ALPL: variants seen among roughly 807,000 people sequenced by gnomAD.
ALPL encodes alkaline phosphatase, biomineralization associated, also known as alkaline phosphatase, tissue-nonspecific isozyme.
In ALPL, 42 loss-of-function variants were observed where a neutral mutation model predicts 51.3. The observed-to-expected ratio is 0.82, with a 90% CI of 0.64 to 1.06. The LOEUF (loss-of-function observed/expected upper bound fraction) is 1.06. Among genes scored for constraint, ALPL ranks in the 50% least tolerant of loss-of-function variants. The pLI is 0.00. For synonymous variants in ALPL, 279 were observed against 296.4 expected (o/e 0.94, Z 0.60); for missense variants, 589 against 709.4 (o/e 0.83, Z 1.93).
At chr1:21,570,007 C>G (rs1030619615) in intron 7 of ALPL, among the ~76,000 whole-genome samples, 5 of 152,174 alleles carry the variant, frequency 3.3e-5, no homozygotes, top group Non-Finnish European at 5.9e-5. Flanking sequence ...CTGTTCAATT[C>G]CCACTTGTCC....
At chr1:21,553,849 C>T in intron 1 of ALPL, 129 bp from the exon 2 acceptor site, 1 of 564,482 alleles carries the variant, frequency 1.8e-6, no homozygotes. Context: ...AATGTTGAGC[C>T]CCATGCCTGG....
rs184095519 is a variant in ALPL, at chr1:21,563,210, C to G, written c.398C>G (p.Ala133Gly). The change falls in exon 5 of 12, where the codon GCC (alanine) becomes GGC (glycine). Residue 133 changes from alanine to glycine, a missense_variant. Coordinates refer to ENST00000374840, the MANE Select transcript of ALPL (RefSeq NM_000478.6). ...GAGGGCACCGTGGGGGTAAGCGCAG[C>G]CACTGAGCGTTCCCGGTGCAACACC... Reference protein sequence around the residue: ...ANEGTVGVSAATERSRCNTTQ... With the variant: ...ANEGTVGVSAGTERSRCNTTQ... 47 of 1,613,968 alleles carry G rather than the reference C, an allele frequency of 2.9e-5. No individual in the cohort carries two copies. The East Asian group carries it at 1.0e-3, about 34-fold the overall frequency.
At position 21,563,209 on chromosome 1, in the gene ALPL, G is replaced by A. The variant is rs1644510366; in HGVS notation, c.397G>A (p.Ala133Thr). The change falls in exon 5 of 12, where the codon GCC (alanine) becomes ACC (threonine). Residue 133 changes from alanine (A) to threonine (T), a missense_variant. Transcript: ENST00000374840. ...ANEGTVGVSA[A>T]TERSRCNTTQ... ...TGAGGGCACCGTGGGGGTAAGCGCA[G>A]CCACTGAGCGTTCCCGGTGCAACAC... The A allele has an allele frequency of 1.2e-6, 2 of 1,613,964 alleles. No homozygotes were observed. The highest frequency in any genetic ancestry group is 2.2e-5 in the South Asian group (2 of 91,080).
At chr1:21,511,666 A>C (rs975594219) in intron 1 of ALPL, among the ~76,000 whole-genome samples, 8 of 152,112 alleles carry the variant, frequency 5.3e-5, no homozygotes, top group Non-Finnish European at 8.8e-5. Flanking sequence ...TCCTAAACAC[A>C]GCCTGGGCTG....
intron 2 of ALPL, 111 bp from the exon 3 acceptor site, chr1:21,560,515 C>A: frequency 6.9e-7 from 1 of 1,440,510 alleles, no homozygotes. Context: ...ATTGCACCCA[C>A]CTCCAAGTTC....
chr1:21,519,529 G>A (rs1166805968), intron 1 of ALPL, among the ~76,000 whole-genome samples: 2 of 152,250 alleles, frequency 1.3e-5, no homozygotes, highest in African/African-American at 4.8e-5. Context: ...GGGCACAAGG[G>A]CTCACGCATG....
chr1:21,528,437 T>G (rs955116804), intron 1 of ALPL, among the ~76,000 whole-genome samples: 4 of 147,276 alleles, frequency 2.7e-5, no homozygotes, highest in African/African-American at 1.0e-4. Flanking sequence ...AACCTCTGCC[T>G]CCTGGATTCA....
At chr1:21,518,454 C>T (rs572470911) in intron 1 of ALPL, among the ~76,000 whole-genome samples, 5 of 151,990 alleles carry the variant, frequency 3.3e-5, no homozygotes, top group South Asian at 2.1e-4. Flanking sequence ...TGGTAAGTGT[C>T]GGAGCTACGA....
intron 1 of ALPL, among the ~76,000 whole-genome samples, chr1:21,537,884 G>A (rs957808280): frequency 2.0e-5 from 3 of 152,192 alleles, no homozygotes; most frequent in African/African-American, 7.2e-5. Flanking sequence ...AGCCCCCGGC[G>A]CGTAGTAGTT....
intron 2 of ALPL, among the ~76,000 whole-genome samples, chr1:21,560,339 G>A (rs1282747194): frequency 6.6e-6 from 1 of 152,252 alleles, no homozygotes; most frequent in African/African-American, 2.4e-5. Flanking sequence ...AGCCCTGCCA[G>A]TGTCTGCCTG....
At chr1:21,518,119 C>G (rs1038606877) in intron 1 of ALPL, among the ~76,000 whole-genome samples, 1 of 151,894 alleles carries the variant, frequency 6.6e-6, no homozygotes, top group Non-Finnish European at 1.5e-5. Context: ...GGGTAGGAAC[C>G]TTTTATGAGG....
At chr1:21,527,549 CTT>C (rs560294555) in intron 1 of ALPL, among the ~76,000 whole-genome samples, 26 of 138,188 alleles carry the variant, frequency 1.9e-4, no homozygotes, top group Admixed American at 2.2e-4. Context: ...TAGCCTTTAA[CTT>C]TTTTTTTTTT....
At chr1:21,513,247 A>T (rs559220668) in intron 1 of ALPL, among the ~76,000 whole-genome samples, 1 of 152,254 alleles carries the variant, frequency 6.6e-6, no homozygotes, top group East Asian at 1.9e-4. Context: ...GCCCAGGGTC[A>T]CACAATTGCT....
Position 21,526,603 on chromosome 1 carries a change from T to C in ALPL, c.-105+17086T>C, listed in dbSNP as rs145417052. ...CATTTCTAAGTGTAGGGGTAATGAT[T>C]TATACTTGTAAACGCTTAGCTTCTC... On this transcript the variant is annotated intron_variant, in intron 1 of 11. Coordinates refer to ENST00000374840, the MANE Select transcript of ALPL (RefSeq NM_000478.6). Among the ~76,000 whole-genome samples, 526 of 152,314 alleles carry C rather than the reference T, an allele frequency of 3.5e-3. 3 individuals carry two copies. The highest frequency in any genetic ancestry group is 6.5e-3 in the Non-Finnish European group (441 of 68,022).
intron 1 of ALPL, among the ~76,000 whole-genome samples, chr1:21,521,538 G>C (rs961772656): frequency 6.6e-6 from 1 of 152,330 alleles, no homozygotes; most frequent in Admixed American, 6.5e-5. Flanking sequence ...GCCTGGCTTT[G>C]TTACCATGGG....
chr1:21,527,331 CCTT>C (rs1471955034), intron 1 of ALPL, among the ~76,000 whole-genome samples: 10 of 152,210 alleles, frequency 6.6e-5, no homozygotes, highest in Non-Finnish European at 1.5e-4. Flanking sequence ...CACGCCCGGC[CCTT>C]CTTGTTCTTT....
intron 1 of ALPL, among the ~76,000 whole-genome samples, chr1:21,510,997 G>A (rs1183772408): frequency 6.6e-6 from 1 of 152,224 alleles, no homozygotes; most frequent in Non-Finnish European, 1.5e-5. Context: ...TTGTAAAAAG[G>A]GGTGTATTCC....
At chr1:21,528,179 C>G (rs963999019) in intron 1 of ALPL, among the ~76,000 whole-genome samples, 1 of 151,484 alleles carries the variant, frequency 6.6e-6, no homozygotes, top group South Asian at 2.1e-4. Context: ...AACACCACAC[C>G]CAGGTAATTT....
chr1:21,547,359 G>A (rs1024111222), intron 1 of ALPL, among the ~76,000 whole-genome samples: 4 of 152,152 alleles, frequency 2.6e-5, no homozygotes, highest in African/African-American at 9.7e-5. Context: ...GACCGAGTGT[G>A]TGCAGGGCGT....
Sources: gnomAD v4.1 joint callset for allele counts (sites outside exome capture counted in the v4.1 genomes callset) on GRCh38, gnomAD v4.1.1 for gene constraint, MANE v1.5 for transcripts, NCBI Gene and HGNC (gene_info 2026-07-23, HGNC 2026-07-21) for gene names.